Variants in CMPK2 observed in about 807,000 individuals in gnomAD.
CMPK2 encodes the protein UMP-CMP kinase 2, mitochondrial.
A neutral mutation model predicts 33.4 loss-of-function variants in CMPK2; 32 were observed. The ratio of observed to expected loss-of-function variants is 0.96; its 90% confidence interval spans 0.72 to 1.29. CMPK2 has a LOEUF of 1.29. Ranked by LOEUF, CMPK2 falls within the 50% of genes most tolerant of loss-of-function variation. CMPK2 has a pLI of 0.00. For synonymous variants in CMPK2, 299 were observed against 275.3 expected, an observed-to-expected ratio of 1.09 and a Z score of -0.85; for missense variants, 672 against 616.0, an observed-to-expected ratio of 1.09 and a Z score of -0.96.
upstream of CMPK2, chr2:6,865,925 C>A: frequency 1.4e-6 from 2 of 1,386,110 alleles, no homozygotes; most frequent in Non-Finnish European, 1.9e-6. Flanking sequence ...AAACGGCCGG[C>A]GCTCGGGAGC....
In CMPK2 at chr2:6,865,465, G is replaced by A. The variant is rs1341242150; in HGVS notation, c.232C>T (p.Pro78Ser). ...CCGCAGCCGGCGTCCGGGGTCACGG[G>A]CACGCACAGCGAGTAGCTGCGCTCC... ...PPERSYSLCV[P>S]VTPDAGCGAR... The change falls in exon 1 of 5, where the codon CCC becomes TCC. Residue 78 changes from proline to serine, a missense_variant. Coordinates refer to ENST00000256722, the MANE Select transcript of CMPK2 (RefSeq NM_207315.4). 3.1e-6 allele frequency: 4 copies of A among 1,277,488 alleles called. No homozygotes were observed. Among genetic ancestry groups the A allele is most frequent in the South Asian group, 2.7e-5 (1 of 37,074 alleles). The allele number at this position is 1,277,488 out of a possible 1,614,324, so 79.1% of individuals were successfully genotyped here.
At chr2:6,860,449 A>G (rs7581445) in intron 3 of CMPK2, among the ~76,000 whole-genome samples, 3,318 of 152,292 alleles carry the variant, frequency 0.022, 118 homozygotes, top group African/African-American at 0.073. Flanking sequence ...AGGTAATTGC[A>G]TCATGGGGAC....
intron 1 of CMPK2, 40 bp from the exon 2 acceptor site, chr2:6,863,618 G>A: frequency 6.7e-7 from 1 of 1,494,842 alleles, no homozygotes; most frequent in African/African-American, 1.4e-5. Context: ...GAAGCCAGGG[G>A]GCTTTTGCAG....
intron 4 of CMPK2, chr2:6,850,662 G>T: frequency 1.3e-6 from 1 of 777,688 alleles, no homozygotes; most frequent in Non-Finnish European, 1.6e-6. Flanking sequence ...CCTTGCAAAT[G>T]TTCACTGAAG....
intron 4 of CMPK2, chr2:6,851,170 G>T (rs371571654): frequency 2.4e-6 from 3 of 1,252,482 alleles, no homozygotes; most frequent in African/African-American, 1.5e-5. Context: ...GAGGCACAGA[G>T]ACACTTACTG....
At chr2:6,864,903 C>A in intron 1 of CMPK2, 119 bp downstream of exon 1, 9 of 1,290,162 alleles carry the variant, frequency 7.0e-6, no homozygotes. Context: ...GATTTGTGAA[C>A]GGAAATAAAC....
chr2:6,866,209 G>T (rs1052909077), upstream of CMPK2, among the ~76,000 whole-genome samples: 1 of 152,186 alleles, frequency 6.6e-6, no homozygotes, highest in South Asian at 2.1e-4. Flanking sequence ...ACTTGCAGGC[G>T]CACTACTGCC....
rs755814499 is a variant in CMPK2 at position 6,865,194 on chromosome 2, G to T, written c.503C>A (p.Pro168Gln). The stretch of plus-strand genomic sequence containing the variant: ...GAGGCGCTGCCACAGCTGGCCGCGC[G>T]GGTCGGCCTCGAACTCGCCCAAGTG... ...RPHLGEFEAD[P>Q]RGQLWQRLWE... The change falls in exon 1 of 5, where the codon CCG becomes CAG. Residue 168 changes from proline to glutamine, a missense_variant. Transcript: ENST00000256722. 1 of 1,532,448 alleles carries T rather than the reference G, an allele frequency of 6.5e-7. No individual in the cohort carries two copies. The highest frequency in any genetic ancestry group is 8.7e-7 in the Non-Finnish European group (1 of 1,143,358). 94.9% of individuals were successfully genotyped at this position (1,532,448 alleles called of 1,614,324 possible). A position where few individuals can be genotyped will look rare whatever the true frequency, so the allele number is the denominator to read the frequency against.
In CMPK2 at chr2:6,865,787, C is replaced by T. The variant is rs919770344; in HGVS notation, c.-91G>A. ...GGCGGGAAACGAAACCCGGAGGGAG[C>T]CAGGCGCCAGCGGGAAACGAAAGCG... On this transcript the variant is annotated 5_prime_UTR_variant, in exon 1 of 5. Transcript: ENST00000256722. 4.8e-5 allele frequency: 60 copies of T among 1,259,732 alleles called. 1 individual carries two copies. The African/African-American group carries it at 6.6e-4, about 14-fold the overall frequency. 78.0% of individuals were successfully genotyped at this position (1,259,732 alleles called of 1,614,324 possible).
At chr2:6,853,592 C>T (rs1469775991) in intron 3 of CMPK2, among the ~76,000 whole-genome samples, 1 of 152,132 alleles carries the variant, frequency 6.6e-6, no homozygotes, top group African/African-American at 2.4e-5. Context: ...AAAGCCGGAT[C>T]ATTGCAAATT....
Position 6,865,539 on chromosome 2 carries a change from C to A in CMPK2, c.158G>T (p.Gly53Val), listed in dbSNP as rs1280377800. ...GCGGGGGTCGGGGGCGTCTGCGTCGCCGGGGGCGTCGGCGCCTAGGGCGAA... is the reference window on the plus strand; with the variant it reads ...GCGGGGGTCGGGGGCGTCTGCGTCGACGGGGGCGTCGGCGCCTAGGGCGAA... ...AHFALGADAP[G>V]DADAPDPRLA... Residue 53 changes from glycine (G) to valine (V), a missense_variant, in exon 1 of 5, where the codon GGC becomes GTC. By Grantham distance (109) the Gly-to-Val change is moderately radical. Coordinates refer to ENST00000256722, the MANE Select transcript of CMPK2 (RefSeq NM_207315.4). 19 of 1,302,220 alleles carry A rather than the reference C, an allele frequency of 1.5e-5. No individual in the cohort carries two copies. In the African/African-American group the frequency reaches 1.7e-4, roughly 12 times the overall value. 80.7% of individuals were successfully genotyped at this position (1,302,220 alleles called of 1,614,324 possible).
At chr2:6,857,300 C>CTTTTTTG (rs1045751132) in intron 3 of CMPK2, among the ~76,000 whole-genome samples, 2 of 148,308 alleles carry the variant, frequency 1.3e-5, no homozygotes, top group Non-Finnish European at 3.0e-5. Flanking sequence ...TTTTTTTCTT[C>CTTTTTTG]TTTTTTGTTT....
At chr2:6,866,549 G>T, upstream of CMPK2, 1 of 856,034 alleles carries the variant, frequency 1.2e-6, no homozygotes, top group Non-Finnish European at 1.4e-6. Context: ...GAAGTTTCCT[G>T]CACTAAGGTG....
intron 3 of CMPK2, among the ~76,000 whole-genome samples, chr2:6,856,976 T>C (rs1418086093): frequency 6.6e-6 from 1 of 152,264 alleles, no homozygotes. Context: ...CTTTTGTGAG[T>C]GTTTCTTCAG....
rs1662515202 is a variant in CMPK2 at position 6,851,347 on chromosome 2, C to T, written c.1226+103G>A. On this transcript the variant is annotated intron_variant, in intron 4 of 4. Coordinates refer to ENST00000256722, the MANE Select transcript of CMPK2 (RefSeq NM_207315.4). ...GGATGTTGTCTCTTGTGTTTGAAAA[C>T]TGGAAACAATATCACTTCCTCACAA... 4 of 1,543,126 alleles carry T rather than the reference C, an allele frequency of 2.6e-6. No homozygotes were observed. The South Asian group carries it at 3.7e-5, about 14-fold the overall frequency.
chr2:6,840,756 T>C, intron 3 of CMPK2: 2 of 685,786 alleles, frequency 2.9e-6, no homozygotes, highest in Non-Finnish European at 5.3e-6. Flanking sequence ...CCCTAGTTCT[T>C]GGGGTTGGAA....
At chr2:6,842,053 T>C (rs987391567) in intron 3 of CMPK2, among the ~76,000 whole-genome samples, 3 of 152,154 alleles carry the variant, frequency 2.0e-5, no homozygotes, top group African/African-American at 7.2e-5. Context: ...GAAAGAGGTG[T>C]GCTTTTAATG....
intron 4 of CMPK2, chr2:6,851,018 G>A (rs1004259437): frequency 2.0e-6 from 2 of 1,025,638 alleles, no homozygotes; most frequent in Non-Finnish European, 1.2e-6. Context: ...GTTGTAAACT[G>A]TAAAATACGG....
At chr2:6,852,193 G>C (rs949404636) in intron 3 of CMPK2, among the ~76,000 whole-genome samples, 1 of 152,208 alleles carries the variant, frequency 6.6e-6, no homozygotes, top group African/African-American at 2.4e-5. Context: ...CCAGTCTGCT[G>C]ATGGTGCCTC....
Sources: allele counts gnomAD v4.1 joint callset (sites outside exome capture counted in the v4.1 genomes callset), GRCh38; gene constraint gnomAD v4.1.1; transcripts MANE v1.5; gene names NCBI Gene and HGNC (gene_info 2026-07-23, HGNC 2026-07-21).